KIZ: variants seen among roughly 807,000 people sequenced by gnomAD.
The protein encoded by KIZ is centrosomal protein kizuna.
Under a neutral mutation model 79.6 loss-of-function variants are expected in KIZ, and 68 were observed. The ratio of observed to expected loss-of-function variants is 0.85; its 90% CI spans 0.70 to 1.05. The LOEUF is 1.05. Among genes scored for constraint, KIZ ranks in the 50% least tolerant of loss-of-function variants. KIZ has a pLI of 0.00. For missense variants in KIZ, 797 were observed against 800.4 expected (o/e 1.00, Z 0.05); for synonymous variants, 280 against 281.8 (o/e 0.99, Z 0.06).
chr20:21,222,277 G>C (rs1033786990), intron 9 of KIZ, among the ~76,000 whole-genome samples: 1 of 152,184 alleles, frequency 6.6e-6, no homozygotes, highest in Non-Finnish European at 1.5e-5. Flanking sequence ...TCTCCCCAGC[G>C]GTTCATGGTA....
In KIZ at chr20:21,214,703, A is replaced by T; in HGVS notation, c.1612+3A>T. 1 of 1,604,118 alleles carries T rather than the reference A, an allele frequency of 6.2e-7. No homozygotes were observed. Among genetic ancestry groups the T allele is most frequent in the African/African-American group, 1.3e-5 (1 of 74,848 alleles). On this transcript the variant is annotated splice_donor_region_variant and intron_variant, in intron 8 of 12. Coordinates refer to ENST00000619189, the MANE Select transcript of KIZ (RefSeq NM_018474.6). ...CAGTGTTCCTACAAGGGAACAAGGT[A>T]ACTATTGTTAAAGTGTGTGTCCACA...
chr20:21,220,672 G>A (rs892729759), intron 9 of KIZ, among the ~76,000 whole-genome samples: 9 of 151,920 alleles, frequency 5.9e-5, no homozygotes, highest in African/African-American at 1.7e-4. Flanking sequence ...TAATAGAGAC[G>A]GTTTTGCCCC....
At chr20:21,149,506 C>T (rs980715600) in intron 4 of KIZ, among the ~76,000 whole-genome samples, 3 of 152,198 alleles carry the variant, frequency 2.0e-5, no homozygotes, top group African/African-American at 7.2e-5. Flanking sequence ...AGGGAGAAAG[C>T]CTGCACGGCC....
At chr20:21,173,223 G>A (rs1391217449) in intron 6 of KIZ, among the ~76,000 whole-genome samples, 1 of 152,174 alleles carries the variant, frequency 6.6e-6, no homozygotes, top group Non-Finnish European at 1.5e-5. Flanking sequence ...GCTTTGGACT[G>A]TGGTGGCAGC....
intron 6 of KIZ, chr20:21,202,497 T>G (rs2035638685): frequency 6.6e-6 from 1 of 152,198 alleles, no homozygotes; most frequent in Admixed American, 6.5e-5. Flanking sequence ...ATCAAACTAG[T>G]CAGAGGCCTT....
intron 4 of KIZ, chr20:21,158,470 G>T (rs972856710): frequency 1.3e-5 from 2 of 152,204 alleles, no homozygotes; most frequent in Non-Finnish European, 2.9e-5. Context: ...GTGGAAGATG[G>T]TGGGAAACAA....
intron 1 of KIZ, among the ~76,000 whole-genome samples, chr20:21,130,517 A>C (rs1003362034): frequency 7.2e-5 from 11 of 152,356 alleles, no homozygotes; most frequent in South Asian, 6.2e-4. Flanking sequence ...ATGTGGAAGC[A>C]ATTATGCTAT....
chr20:21,185,244 C>G (rs2034824073), intron 6 of KIZ, among the ~76,000 whole-genome samples: 1 of 152,034 alleles, frequency 6.6e-6, no homozygotes, highest in Admixed American at 6.5e-5. Context: ...ATTTTTCTCA[C>G]TTTTTTTCTG....
rs140885264 is a variant in KIZ at position 21,184,371 on chromosome 20, G to A, written c.1353-21120G>A. On this transcript the variant is annotated intron_variant, in intron 6 of 12. Coordinates refer to ENST00000619189, the MANE Select transcript of KIZ (RefSeq NM_018474.6). ...TCACTGTGTTAGCCAGGCTGGTCTC[G>A]AACTCCTGACCTCAGGCGATCCACC... Among the ~76,000 whole-genome samples the A allele has an allele frequency of 3.9e-3, 595 of 152,128 alleles. 4 individuals carry two copies. The highest frequency in any genetic ancestry group is 6.5e-3 in the Non-Finnish European group (441 of 67,990).
intron 9 of KIZ, among the ~76,000 whole-genome samples, chr20:21,219,178 A>AT (rs879590512): frequency 0.32 from 49,075 of 152,094 alleles, 8,012 homozygotes; most frequent in East Asian, 0.42. Context: ...GCTGCCATAT[A>AT]CCAGGTAGAA....
chr20:21,194,150 C>T (rs1206720526), intron 6 of KIZ: 1 of 152,094 alleles, frequency 6.6e-6, no homozygotes, highest in Non-Finnish European at 1.5e-5. Flanking sequence ...AAATTTTTTA[C>T]ATTTATTATG....
intron 3 of KIZ, among the ~76,000 whole-genome samples, chr20:21,137,065 G>C (rs567316726): frequency 6.6e-6 from 1 of 152,344 alleles, no homozygotes; most frequent in African/African-American, 2.4e-5. Flanking sequence ...AATTTGAGCA[G>C]CATTGGGGTT....
At chr20:21,186,815 C>T (rs948547184) in intron 6 of KIZ, among the ~76,000 whole-genome samples, 1 of 152,048 alleles carries the variant, frequency 6.6e-6, no homozygotes, top group Admixed American at 6.6e-5. Flanking sequence ...GCCTTCCCTT[C>T]TTCCACACTT....
chr20:21,126,779 T>C (rs1444386102), intron 1 of KIZ, among the ~76,000 whole-genome samples: 1 of 152,164 alleles, frequency 6.6e-6, no homozygotes, highest in East Asian at 1.9e-4. Flanking sequence ...AGAGGGTTCA[T>C]GATGCCTTTG....
chr20:21,195,960 T>G (rs1270675043), intron 6 of KIZ: 1 of 152,582 alleles, frequency 6.6e-6, no homozygotes, highest in Non-Finnish European at 1.5e-5. Context: ...CTCCCTTGCC[T>G]CACCCACTTA....
At chr20:21,235,769 G>C (rs2036984603) in intron 11 of KIZ, among the ~76,000 whole-genome samples, 2 of 152,354 alleles carry the variant, frequency 1.3e-5, no homozygotes, top group East Asian at 3.9e-4. Context: ...AAGTCACCCC[G>C]CCACTGTACC....
chr20:21,211,323 A>G (rs1238251907), intron 7 of KIZ, among the ~76,000 whole-genome samples: 1 of 152,172 alleles, frequency 6.6e-6, no homozygotes, highest in Non-Finnish European at 1.5e-5. Flanking sequence ...CATTCCACAA[A>G]TAGTTTGTGC....
At chr20:21,136,597 GTGT>G (rs2032204864) in intron 3 of KIZ, 45 bp downstream of exon 3, 41 of 1,299,168 alleles carry the variant, frequency 3.2e-5, no homozygotes, top group Admixed American at 7.0e-5. Flanking sequence ...TTGTTGTTGT[GTGT>G]TTTTTTTTTT....
rs1312670829 is a variant in KIZ at position 21,136,516 on chromosome 20, C to T, written c.279C>T (p.His93=). ...AGCGTGTCCAAGCTCATGTTGTACACTTCACCACAAATACAGAGAAGCTTC... is the reference window on the plus strand; with the variant it reads ...AGCGTGTCCAAGCTCATGTTGTACATTTCACCACAAATACAGAGAAGCTTC... The part of the protein sequence containing the change: ...RFERVQAHVV[H]FTTNTEKLQK... Residue 93 remains histidine (H), a synonymous_variant, in exon 3 of 13, where the codon CAC becomes CAT. Coordinates refer to ENST00000619189, the MANE Select transcript of KIZ (RefSeq NM_018474.6). 6.3e-7 allele frequency: 1 copy of T among 1,591,228 alleles called. No homozygotes were observed. Among genetic ancestry groups the T allele is most frequent in the South Asian group, 1.2e-5 (1 of 85,940 alleles).
Sources: allele counts gnomAD v4.1 joint callset (sites outside exome capture counted in the v4.1 genomes callset), GRCh38; gene constraint gnomAD v4.1.1; transcripts MANE v1.5; gene names NCBI Gene and HGNC (gene_info 2026-07-23, HGNC 2026-07-21).